The following CCDC82 variants were observed in gnomAD, a reference collection of about 807,000 sequenced individuals.
CCDC82 encodes the protein coiled-coil domain-containing protein 82.
Under a neutral mutation model 60.6 loss-of-function variants are expected in CCDC82, and 47 were observed. The observed-to-expected ratio is 0.77, with a 90% CI of 0.61 to 0.99. The LOEUF is 0.99. Among genes scored for constraint, CCDC82 ranks in the 50% least tolerant of loss-of-function variants. The pLI is 0.00. For synonymous variants in CCDC82, 212 were observed against 207.4 expected, an observed-to-expected ratio of 1.02 and a Z score of -0.19; for missense variants, 588 against 633.0, an observed-to-expected ratio of 0.93 and a Z score of 0.76.
At chr11:96,354,969 C>CTT in intron 9 of CCDC82, 1 of 152,256 alleles carries the variant, frequency 6.6e-6, no homozygotes, top group East Asian at 1.9e-4. Flanking sequence ...GGCCATGAAA[C>CTT]TCTTTTTTAT....
At chr11:96,358,028 A>T in intron 9 of CCDC82, 1 of 985,404 alleles carries the variant, frequency 1.0e-6, no homozygotes, top group Non-Finnish European at 1.2e-6. Flanking sequence ...CTAGACTGGG[A>T]GACCTCCACT....
chr11:96,384,331 T>A lies in CCDC82; in HGVS notation c.417A>T (p.Lys139Asn), dbSNP rs767757717. The change falls in exon 4 of 10, where the codon AAA becomes AAT. Residue 139 changes from lysine (K) to asparagine (N), a missense_variant. Coordinates refer to ENST00000646818, the MANE Select transcript of CCDC82 (RefSeq NM_024725.4). ...CATCCTCTATTATTTGTCCAGTTTG[T>A]TTGTTGAGATCATTATCCTCTTGAC... is the stretch of plus-strand genomic sequence containing the variant. ...HLSQEDNDLNKQTGQIIEDDQ... is the reference protein window; with the variant it reads ...HLSQEDNDLNNQTGQIIEDDQ... The A allele has an allele frequency of 6.2e-7, 1 of 1,613,842 alleles. No homozygotes were observed. The highest frequency in any genetic ancestry group is 8.5e-7 in the Non-Finnish European group (1 of 1,179,844).
chr11:96,359,382 T>C (rs1864514155), intron 8 of CCDC82: 3 of 462,686 alleles, frequency 6.5e-6, no homozygotes, highest in Admixed American at 8.6e-5. Context: ...TAGAGATATA[T>C]AAATAAAATA....
intron 2 of CCDC82, chr11:96,387,261 A>G (rs902567449): frequency 1.3e-5 from 2 of 152,264 alleles, no homozygotes; most frequent in African/African-American, 4.8e-5. Flanking sequence ...GCAAATTCAT[A>G]TACACTAGAT....
intron 5 of CCDC82, among the ~76,000 whole-genome samples, chr11:96,376,150 C>T (rs1307763077): frequency 6.6e-6 from 1 of 152,102 alleles, no homozygotes; most frequent in Admixed American, 6.5e-5. Context: ...ATTTGGTAGT[C>T]TAATCATTCT....
chr11:96,367,820 C>CTTTT (rs777554159), intron 7 of CCDC82, among the ~76,000 whole-genome samples: 45 of 122,694 alleles, frequency 3.7e-4, no homozygotes, highest in East Asian at 7.0e-4. Context: ...AAATGTATTT[C>CTTTT]TTTTTTTTTT....
At chr11:96,368,401 A>G (rs1865064287) in intron 7 of CCDC82, among the ~76,000 whole-genome samples, 1 of 152,172 alleles carries the variant, frequency 6.6e-6, no homozygotes, top group Non-Finnish European at 1.5e-5. Context: ...CCATTTATAG[A>G]GCACAAACAG....
rs976307799 is a variant in CCDC82 at position 96,376,708 on chromosome 11, G to A, written c.992-3241C>T. Among the ~76,000 whole-genome samples, 5 of 152,204 alleles carry A rather than the reference G, an allele frequency of 3.3e-5. No homozygotes were observed. In the East Asian group the frequency reaches 5.8e-4, roughly 18 times the overall value. On this transcript the variant is annotated intron_variant, in intron 5 of 9. Transcript: ENST00000646818. Reference sequence around the variant, plus strand: ...CTCCCAAAATGCTGGGATTACAGGCGTGAGCCACCGCGCCTGGCCTGCTTT... The same window carrying A: ...CTCCCAAAATGCTGGGATTACAGGCATGAGCCACCGCGCCTGGCCTGCTTT...
chr11:96,380,603 AATGG>A (rs1865825038), intron 5 of CCDC82: 1 of 151,836 alleles, frequency 6.6e-6, no homozygotes, highest in Non-Finnish European at 1.5e-5. Flanking sequence ...TCAATAGGTG[AATGG>A]ATGAACAAAA....
chr11:96,387,727 TAG>T (rs1274543643), intron 1 of CCDC82, 114 bp from the exon 2 acceptor site: 9 of 152,234 alleles, frequency 5.9e-5, no homozygotes, highest in African/African-American at 2.2e-4. Flanking sequence ...TAAAATGGTT[TAG>T]AGTTTACAAA....
At chr11:96,385,493 AC>A in intron 3 of CCDC82, 1 of 152,540 alleles carries the variant, frequency 6.6e-6, no homozygotes. Flanking sequence ...TTATAAAGTA[AC>A]AAATGACATA....
intron 5 of CCDC82, among the ~76,000 whole-genome samples, chr11:96,375,614 T>C (rs1865529088): frequency 6.6e-6 from 1 of 152,220 alleles, no homozygotes; most frequent in Non-Finnish European, 1.5e-5. Context: ...TTATCCTAGA[T>C]TCATTTCTGG....
chr11:96,388,667 G>C (rs986310194), intron 1 of CCDC82: 8 of 152,114 alleles, frequency 5.3e-5, no homozygotes, highest in African/African-American at 1.9e-4. Flanking sequence ...TCATACTCAA[G>C]AAAAGATTCA....
At chr11:96,372,737 T>A (rs1363675073) in intron 6 of CCDC82, among the ~76,000 whole-genome samples, 1 of 145,574 alleles carries the variant, frequency 6.9e-6, no homozygotes, top group Non-Finnish European at 1.5e-5. Context: ...TATAAATATA[T>A]AAATATACGT....
intron 5 of CCDC82, among the ~76,000 whole-genome samples, chr11:96,373,798 A>G (rs1040582568): frequency 1.3e-5 from 2 of 152,174 alleles, no homozygotes; most frequent in Admixed American, 6.5e-5. Flanking sequence ...TTTGACACTT[A>G]GAGTGACAGA....
At chr11:96,359,642 T>TAAAAAAA (rs139619843) in intron 8 of CCDC82, among the ~76,000 whole-genome samples, 21 of 81,358 alleles carry the variant, frequency 2.6e-4, no homozygotes, top group Non-Finnish European at 3.3e-4. Context: ...ATGGGCAAAG[T>TAAAAAAA]AAAAAAAAAA....
chr11:96,387,574 C>T lies in CCDC82; in HGVS notation c.-99G>A, dbSNP rs948016949. ...TAGTGACAGAGCAGGGATTAGAAACCGGGTCTCTTGATTCCCCGTCCAGTG... is the reference window on the plus strand; with the variant it reads ...TAGTGACAGAGCAGGGATTAGAAACTGGGTCTCTTGATTCCCCGTCCAGTG... On this transcript the variant is annotated 5_prime_UTR_variant, in exon 2 of 10. Coordinates refer to ENST00000646818, the MANE Select transcript of CCDC82 (RefSeq NM_024725.4). 2 of 152,164 alleles carry T rather than the reference C, an allele frequency of 1.3e-5. No individual in the cohort carries two copies. The highest frequency in any genetic ancestry group is 2.4e-5 in the African/African-American group (1 of 41,422). 9.4% of individuals were successfully genotyped at this position (152,164 alleles called of 1,614,324 possible). A position where few individuals can be genotyped will look rare whatever the true frequency, so the allele number is the denominator to read the frequency against.
intron 8 of CCDC82, chr11:96,363,551 C>A (rs540909740): frequency 5.9e-5 from 9 of 152,316 alleles, no homozygotes; most frequent in Admixed American, 2.6e-4. Context: ...ATCATACTTT[C>A]AAACTAGCAT....
intron 5 of CCDC82, chr11:96,382,477 T>C (rs1373765197): frequency 6.6e-6 from 1 of 151,754 alleles, no homozygotes; most frequent in Non-Finnish European, 1.5e-5. Context: ...TAATGAAATA[T>C]GTCAATATTT....
Sources: allele counts gnomAD v4.1 joint callset (sites outside exome capture counted in the v4.1 genomes callset), GRCh38; gene constraint gnomAD v4.1.1; transcripts MANE v1.5; gene names NCBI Gene and HGNC (gene_info 2026-07-23, HGNC 2026-07-21).